GRM8: variants seen among roughly 807,000 people sequenced by gnomAD.
GRM8 encodes the protein metabotropic glutamate receptor 8.
A neutral mutation model predicts 87.2 loss-of-function variants in GRM8; 47 were observed. The ratio of observed to expected loss-of-function variants is 0.54; its 90% CI spans 0.43 to 0.69. The LOEUF is 0.69. Among genes scored for constraint, GRM8 ranks in the 30% least tolerant of loss-of-function variants. GRM8 has a pLI of 0.00. For missense variants in GRM8, 1,019 were observed against 1,139.2 expected, an observed-to-expected ratio of 0.89 and a Z score of 1.52; for synonymous variants, 396 against 404.5, an observed-to-expected ratio of 0.98 and a Z score of 0.25.
chr7:126,730,645 C>T (rs966488130), intron 7 of GRM8, among the ~76,000 whole-genome samples: 1 of 152,046 alleles, frequency 6.6e-6, no homozygotes, highest in African/African-American at 2.4e-5. Flanking sequence ...AGAAGCCTGT[C>T]ACAAACATTT....
At chr7:126,919,109 CAG>C (rs745488310) in intron 3 of GRM8, among the ~76,000 whole-genome samples, 1 of 151,942 alleles carries the variant, frequency 6.6e-6, no homozygotes, top group Non-Finnish European at 1.5e-5. Context: ...GGAATATAAA[CAG>C]AGTAACAGAA....
intron 6 of GRM8, among the ~76,000 whole-genome samples, chr7:126,851,845 CTAGCTAATATACTATATATTTACCATTT>C (rs1238790589): frequency 9.9e-5 from 15 of 152,180 alleles, no homozygotes; most frequent in African/African-American, 3.4e-4. Flanking sequence ...ACATTACTCT[CTAGCTAATATACTATATATTTACCATTT>C]TAGTGAATTG....
intron 7 of GRM8, among the ~76,000 whole-genome samples, chr7:126,695,810 A>C (rs778178696): frequency 3.9e-5 from 6 of 152,172 alleles, no homozygotes; most frequent in Non-Finnish European, 5.9e-5. Flanking sequence ...TTACGTAAAA[A>C]ACAGAGAAGG....
At chr7:127,222,557 T>C (rs1190578355) in intron 2 of GRM8, among the ~76,000 whole-genome samples, 1 of 151,944 alleles carries the variant, frequency 6.6e-6, no homozygotes, top group African/African-American at 2.4e-5. Flanking sequence ...AGTAATTATT[T>C]AACTATGACT....
intron 2 of GRM8, among the ~76,000 whole-genome samples, chr7:127,206,714 AGCACCTCCAGTGTTCT>A (rs1795934071): frequency 6.6e-6 from 1 of 152,214 alleles, no homozygotes; most frequent in African/African-American, 2.4e-5. Flanking sequence ...GGAAGAAGCA[AGCACCTCCAGTGTTCT>A]GCAGACTCAC....
chr7:126,439,467 G>T (rs1357205148), intron 10 of GRM8, among the ~76,000 whole-genome samples: 1 of 152,120 alleles, frequency 6.6e-6, no homozygotes, highest in Admixed American at 6.6e-5. Context: ...TCACATGTTT[G>T]TGGTTTGTTG....
intron 3 of GRM8, among the ~76,000 whole-genome samples, chr7:126,939,592 A>C (rs1233709051): frequency 6.6e-6 from 1 of 152,210 alleles, no homozygotes; most frequent in African/African-American, 2.4e-5. Flanking sequence ...ATAGTTAAAT[A>C]CCTCATCATA....
At position 127,192,994 on chromosome 7, in the gene GRM8, T is replaced by G. The variant is rs552762291; in HGVS notation, c.510+49701A>C. On this transcript the variant is annotated intron_variant, in intron 2 of 10. Coordinates refer to ENST00000339582, the MANE Select transcript of GRM8 (RefSeq NM_000845.3). The stretch of plus-strand genomic sequence containing the variant: ...TTCTTAGAGTACTCCAAATCCAAAG[T>G]CAGTGCGATCTCCAGAGAGAAACAA... 3.9e-5 allele frequency among the ~76,000 whole-genome samples: 6 copies of G among 152,300 alleles called. No individual in the cohort carries two copies. The South Asian group carries it at 1.2e-3, about 32-fold the overall frequency.
At chr7:126,498,081 C>T (rs1171673002) in intron 9 of GRM8, among the ~76,000 whole-genome samples, 1 of 151,906 alleles carries the variant, frequency 6.6e-6, no homozygotes, top group Admixed American at 6.6e-5. Context: ...GGAACTCAGA[C>T]ACAAGTCTCC....
intron 3 of GRM8, chr7:126,980,970 T>A (rs1004215921): frequency 2.0e-5 from 3 of 152,282 alleles, no homozygotes; most frequent in African/African-American, 7.2e-5. Context: ...CCTGAAAATG[T>A]ACACCTGTGC....
intron 6 of GRM8, among the ~76,000 whole-genome samples, chr7:126,879,820 C>G (rs2051019661): frequency 6.6e-6 from 1 of 152,032 alleles, no homozygotes; most frequent in Non-Finnish European, 1.5e-5. Context: ...TGTTTCACAT[C>G]CAACTTGGAG....
chr7:126,715,567 T>A (rs967671215), intron 7 of GRM8, among the ~76,000 whole-genome samples: 5 of 152,188 alleles, frequency 3.3e-5, no homozygotes, highest in Admixed American at 2.0e-4. Flanking sequence ...CCTTTCTGAT[T>A]TTTTGCTACT....
Position 126,591,579 on chromosome 7 carries a change from AC to A in GRM8, c.1494+17782del, listed in dbSNP as rs1796669834. 2.0e-5 allele frequency among the ~76,000 whole-genome samples: 3 copies of A among 151,986 alleles called. No individual in the cohort carries two copies. The South Asian group carries it at 6.2e-4, about 32-fold the overall frequency. ...AAGATAAATTTAAAAATTTCTTGAG[AC>A]AAACAAAAATGAACATACAACATAC... is the stretch of plus-strand genomic sequence containing the variant. On this transcript the variant is annotated intron_variant, in intron 8 of 10. Coordinates refer to ENST00000339582, the MANE Select transcript of GRM8 (RefSeq NM_000845.3).
chr7:126,640,364 A>G (rs1802252228), intron 7 of GRM8, among the ~76,000 whole-genome samples: 1 of 152,142 alleles, frequency 6.6e-6, no homozygotes, highest in Non-Finnish European at 1.5e-5. Flanking sequence ...TAGAATAACT[A>G]AGGATAAAAT....
At chr7:126,645,688 T>C (rs1309843677) in intron 7 of GRM8, among the ~76,000 whole-genome samples, 1 of 152,168 alleles carries the variant, frequency 6.6e-6, no homozygotes, top group Non-Finnish European at 1.5e-5. Context: ...GTTTTTCTGG[T>C]GAGGGAAAGA....
chr7:127,035,173 C>T (rs901194992), intron 3 of GRM8, among the ~76,000 whole-genome samples: 1 of 152,144 alleles, frequency 6.6e-6, no homozygotes, highest in Non-Finnish European at 1.5e-5. Flanking sequence ...AAAAACAATT[C>T]TTTTCCCACT....
At chr7:127,044,222 A>T (rs17867741) in intron 3 of GRM8, among the ~76,000 whole-genome samples, 13,735 of 152,144 alleles carry the variant, frequency 0.09, 700 homozygotes, top group South Asian at 0.12. Context: ...CTCTCTTCAG[A>T]AATCATGGGC....
intron 8 of GRM8, among the ~76,000 whole-genome samples, chr7:126,597,593 A>G (rs1310519184): frequency 6.6e-6 from 1 of 152,088 alleles, no homozygotes; most frequent in Non-Finnish European, 1.5e-5. Flanking sequence ...CAAGGTTAAA[A>G]TAAGGATTAA....
At chr7:126,606,690 A>C (rs2151091417) in intron 8 of GRM8, among the ~76,000 whole-genome samples, 1 of 152,262 alleles carries the variant, frequency 6.6e-6, no homozygotes, top group Admixed American at 6.5e-5. Flanking sequence ...TGCATTTTCC[A>C]TTTCGGTAAA....
Sources: gnomAD v4.1 joint callset for allele counts (sites outside exome capture counted in the v4.1 genomes callset) on GRCh38, gnomAD v4.1.1 for gene constraint, MANE v1.5 for transcripts, NCBI Gene and HGNC (gene_info 2026-07-23, HGNC 2026-07-21) for gene names.